BBS9: variants seen among roughly 807,000 people sequenced by gnomAD.
BBS9 encodes protein PTHB1.
In BBS9, 89 loss-of-function variants were observed where a neutral mutation model predicts 117.7. The ratio of observed to expected loss-of-function variants is 0.76; its 90% CI spans 0.64 to 0.90. The LOEUF is 0.90. BBS9 is among the 40% of genes least tolerant of loss of function. The pLI, the probability that BBS9 is intolerant of heterozygous loss-of-function variation, is 0.00. For synonymous variants in BBS9, 379 were observed against 370.9 expected (o/e 1.02, Z -0.25); for missense variants, 982 against 1,042.2 (o/e 0.94, Z 0.80).
At chr7:33,533,783 G>A in intron 20 of BBS9, 171 bp from the exon 21 acceptor site, 1 of 711,686 alleles carries the variant, frequency 1.4e-6, no homozygotes, top group Non-Finnish European at 2.4e-6. Flanking sequence ...GGTCAAACAG[G>A]TGACAGAGCC....
At chr7:33,415,387 A>G (rs1352800611) in intron 19 of BBS9, among the ~76,000 whole-genome samples, 1 of 152,180 alleles carries the variant, frequency 6.6e-6, no homozygotes, top group Non-Finnish European at 1.5e-5. Context: ...CTAGATGAAA[A>G]TACTTAAAAA....
At chr7:33,493,661 A>G (rs2128999059) in intron 19 of BBS9, among the ~76,000 whole-genome samples, 1 of 152,310 alleles carries the variant, frequency 6.6e-6, no homozygotes, top group South Asian at 2.1e-4. Context: ...GAAAGGTTCC[A>G]CTGGGGCGGA....
chr7:33,316,011 A>G (rs1190571879), intron 9 of BBS9, among the ~76,000 whole-genome samples: 2 of 152,126 alleles, frequency 1.3e-5, no homozygotes, highest in Non-Finnish European at 2.9e-5. Context: ...TTAACTATGC[A>G]CTTTTGACAA....
At chr7:33,251,033 GC>G (rs1796137581) in intron 5 of BBS9, among the ~76,000 whole-genome samples, 1 of 152,158 alleles carries the variant, frequency 6.6e-6, no homozygotes, top group Non-Finnish European at 1.5e-5. Context: ...GTGAGTCTTA[GC>G]TTGTGATGTC....
At chr7:33,533,308 A>C (rs567924224) in intron 20 of BBS9, among the ~76,000 whole-genome samples, 1 of 152,318 alleles carries the variant, frequency 6.6e-6, no homozygotes, top group East Asian at 1.9e-4. Flanking sequence ...CACTGTTCCC[A>C]ACAAAAGTGG....
chr7:33,282,356 C>G (rs1277590401), intron 9 of BBS9, among the ~76,000 whole-genome samples: 1 of 151,984 alleles, frequency 6.6e-6, no homozygotes, highest in African/African-American at 2.4e-5. Context: ...ATTTACAAAA[C>G]AGGACCACAT....
chr7:33,396,452 T>G (rs1314940869), intron 19 of BBS9, among the ~76,000 whole-genome samples: 1 of 152,196 alleles, frequency 6.6e-6, no homozygotes, highest in Non-Finnish European at 1.5e-5. Flanking sequence ...TAGATACATT[T>G]GCAAAAAATT....
chr7:33,238,184 T>C (rs73307394), intron 5 of BBS9, among the ~76,000 whole-genome samples: 246 of 152,346 alleles, frequency 1.6e-3, no homozygotes, highest in African/African-American at 5.8e-3. Context: ...TGTTTGAACA[T>C]GTGATTTTAA....
chr7:33,604,889 C>A lies in BBS9; in HGVS notation c.2546C>A (p.Ser849Ter). 6.2e-7 allele frequency: 1 copy of A among 1,613,038 alleles called. No homozygotes were observed. The highest frequency in any genetic ancestry group is 8.5e-7 in the Non-Finnish European group (1 of 1,179,176). ...MPGGCTTIPE[S>*]DLEERSVEQD... ...GGTGGTTGTACTACAATCCCAGAGT[C>A]AGACCTAGAAGAAAGATCAGTAGAA... The change falls in exon 22 of 23, where the codon TCA (serine) becomes TAA (stop). Residue 849 changes from serine to a stop codon, truncating the protein, a stop_gained. Coordinates refer to ENST00000242067, the MANE Select transcript of BBS9 (RefSeq NM_198428.3). LOFTEE classifies it high-confidence loss of function.
intron 21 of BBS9, among the ~76,000 whole-genome samples, chr7:33,593,959 G>T (rs542787403): frequency 6.6e-6 from 1 of 151,932 alleles, no homozygotes; most frequent in South Asian, 2.1e-4. Flanking sequence ...CTTAATTCTC[G>T]CCACCAAGTG....
intron 19 of BBS9, among the ~76,000 whole-genome samples, chr7:33,397,962 AC>A (rs2128781443): frequency 6.6e-6 from 1 of 152,244 alleles, no homozygotes; most frequent in African/African-American, 2.4e-5. Flanking sequence ...CTGCACATGT[AC>A]CCTTGAACTT....
At chr7:33,528,751 G>C (rs1050750354) in intron 20 of BBS9, among the ~76,000 whole-genome samples, 6 of 152,192 alleles carry the variant, frequency 3.9e-5, no homozygotes, top group Admixed American at 2.0e-4. Flanking sequence ...ACAGTGAAGG[G>C]GCAGATGAGG....
intron 5 of BBS9, among the ~76,000 whole-genome samples, chr7:33,256,108 G>A (rs186890842): frequency 8.4e-4 from 128 of 152,208 alleles, no homozygotes; most frequent in African/African-American, 2.9e-3. Context: ...AGCTGAGATC[G>A]TGCCACTGCA....
chr7:33,163,087 CAT>C (rs1271292497), intron 4 of BBS9, among the ~76,000 whole-genome samples: 1 of 152,086 alleles, frequency 6.6e-6, no homozygotes, highest in Non-Finnish European at 1.5e-5. Flanking sequence ...TTGAGATAAT[CAT>C]GTGGTTTTTG....
At chr7:33,438,914 G>A (rs556352896) in intron 19 of BBS9, among the ~76,000 whole-genome samples, 1 of 152,206 alleles carries the variant, frequency 6.6e-6, no homozygotes, top group Non-Finnish European at 1.5e-5. Context: ...TAAAGCTGAT[G>A]AAGGAGTCTC....
intron 9 of BBS9, among the ~76,000 whole-genome samples, chr7:33,280,148 T>C (rs972850787): frequency 6.6e-6 from 1 of 152,252 alleles, no homozygotes; most frequent in East Asian, 1.9e-4. Context: ...GTTTCTTCTT[T>C]TTAAAAAATT....
chr7:33,415,896 G>A (rs1313789772), intron 19 of BBS9, among the ~76,000 whole-genome samples: 1 of 152,118 alleles, frequency 6.6e-6, no homozygotes, highest in Non-Finnish European at 1.5e-5. Flanking sequence ...GTATAGTGAT[G>A]CAATCTTGGC....
At chr7:33,591,866 C>CCATCATCATCAT (rs138958813) in intron 21 of BBS9, among the ~76,000 whole-genome samples, 1 of 151,198 alleles carries the variant, frequency 6.6e-6, no homozygotes, top group Non-Finnish European at 1.5e-5. Context: ...GCCGTCGTCG[C>CCATCATCATCAT]CATCATCATC....
At position 33,210,524 on chromosome 7, in the gene BBS9, T is replaced by C. The variant is rs538735323; in HGVS notation, c.442+32933T>C. Among the ~76,000 whole-genome samples the C allele has an allele frequency of 6.6e-5, 10 of 152,274 alleles. 1 individual carries two copies. The South Asian group carries it at 2.1e-3, about 32-fold the overall frequency. Reference sequence around the variant, plus strand: ...ACTATTGTGTTGAGTTCTGTCTTTTTAGCTCTAGTGATATGTATTTTTTTC... The same window carrying C: ...ACTATTGTGTTGAGTTCTGTCTTTTCAGCTCTAGTGATATGTATTTTTTTC... On this transcript the variant is annotated intron_variant, in intron 5 of 22. Transcript: ENST00000242067.
Sources: allele counts gnomAD v4.1 joint callset (sites outside exome capture counted in the v4.1 genomes callset), GRCh38; gene constraint gnomAD v4.1.1; transcripts MANE v1.5; gene names NCBI Gene and HGNC (gene_info 2026-07-23, HGNC 2026-07-21).